The following LRRC37B variants were observed in gnomAD, a reference collection of about 807,000 sequenced individuals.
LRRC37B encodes leucine-rich repeat-containing protein 37B.
A neutral mutation model predicts 98.3 loss-of-function variants in LRRC37B; 28 were observed. The observed-to-expected ratio is 0.28, with a 90% CI of 0.21 to 0.39. The LOEUF is 0.39. Among genes scored for constraint, LRRC37B ranks in the 10% least tolerant of loss-of-function variants. LRRC37B has a pLI of 1.00. For missense variants in LRRC37B, 938 were observed against 1,182.7 expected, an observed-to-expected ratio of 0.79 and a Z score of 3.03; for synonymous variants, 364 against 442.7, an observed-to-expected ratio of 0.82 and a Z score of 2.23.
At chr17:32,020,709 C>T (rs1038250731), upstream of LRRC37B, 16 of 421,744 alleles carry the variant, frequency 3.8e-5, no homozygotes, top group African/African-American at 2.5e-4. Flanking sequence ...CAGTTGCTCT[C>T]CCCTGAAGGA....
intron 1 of LRRC37B, among the ~76,000 whole-genome samples, chr17:32,015,876 C>G (rs1204851399): frequency 6.6e-6 from 1 of 152,158 alleles, no homozygotes; most frequent in Non-Finnish European, 1.5e-5. Context: ...GAGGACCGTA[C>G]AAAGTGTCAG....
intron 3 of LRRC37B, among the ~76,000 whole-genome samples, chr17:32,029,816 T>C (rs1235081217): frequency 6.6e-6 from 1 of 152,166 alleles, no homozygotes; most frequent in Admixed American, 6.5e-5. Flanking sequence ...TGCATCACAG[T>C]CATTGAGAGG....
At chr17:32,050,479 C>T (rs1425887077) in intron 11 of LRRC37B, 27 of 245,468 alleles carry the variant, frequency 1.1e-4, no homozygotes, top group East Asian at 3.1e-4. Flanking sequence ...CATATAATCT[C>T]CACCCTCACG....
chr17:32,007,860 G>A (rs1910445882), upstream of LRRC37B: 1 of 1,141,978 alleles, frequency 8.8e-7, no homozygotes, highest in Non-Finnish European at 1.1e-6. This position sits in a 1 kb window ranked among gnomAD's most constrained non-coding sequence, Gnocchi z 4.1. Context: ...GCCGGCACCA[G>A]CGCACGGGCC....
At chr17:32,038,659 C>T (rs1911319533) in intron 7 of LRRC37B, among the ~76,000 whole-genome samples, 1 of 152,108 alleles carries the variant, frequency 6.6e-6, no homozygotes. Flanking sequence ...GAGTTCGAGA[C>T]CATCCTGGCC....
At chr17:32,028,845 C>G (rs1201199099) in intron 3 of LRRC37B, 5 of 139,454 alleles carry the variant, frequency 3.6e-5, no homozygotes, top group Non-Finnish European at 6.2e-5. Context: ...CAGATTCTTT[C>G]AAATGTGAAA....
At chr17:32,035,051 G>T in intron 6 of LRRC37B, 70 bp downstream of exon 9, 1 of 1,169,954 alleles carries the variant, frequency 8.5e-7, no homozygotes, top group South Asian at 1.4e-5. Flanking sequence ...CAAAGATAAA[G>T]TATTTTGCAT....
exon 1 of LRRC37B, chr17:32,021,440 G>A: frequency 6.2e-7 from 1 of 1,613,932 alleles, no homozygotes; most frequent in Middle Eastern, 1.7e-4. Flanking sequence ...CTCCATTCCT[G>A]AAGGAATTGG....
At chr17:32,018,768 C>T (rs1316761139), upstream of LRRC37B, among the ~76,000 whole-genome samples, 1 of 152,198 alleles carries the variant, frequency 6.6e-6, no homozygotes, top group African/African-American at 2.4e-5. Flanking sequence ...CTCATTATCT[C>T]CCGTATACCT....
At position 32,024,821 on chromosome 17, in the gene LRRC37B, G is replaced by A. The variant is rs1471435105; in HGVS notation, c.1832+39G>A. On this transcript the variant is annotated intron_variant, in intron 2 of 11. Transcript: ENST00000327564. ...CTCCAAATATGACAAAAAACTAACT[G>A]CATTGTAAGATCCTTCTTGGTCCAG... 1.6e-5 allele frequency: 26 copies of A among 1,592,832 alleles called. 2 individuals are homozygous for A. The African/African-American group carries it at 1.9e-4, about 12-fold the overall frequency.
chr17:32,008,094 C>A, exon 1 of LRRC37B: 1 of 423,294 alleles, frequency 2.4e-6, no homozygotes. Flanking sequence ...GACGAGGACG[C>A]CAGTTACTCC....
At chr17:32,039,571 TTCTA>T (rs1458567679) in intron 7 of LRRC37B, among the ~76,000 whole-genome samples, 10 of 126,156 alleles carry the variant, frequency 7.9e-5, no homozygotes, top group Admixed American at 2.7e-4. Context: ...ATATATATAT[TTCTA>T]TATATATTTT....
chr17:32,011,297 G>A (rs1910520380), intron 1 of LRRC37B, among the ~76,000 whole-genome samples: 1 of 150,484 alleles, frequency 6.6e-6, no homozygotes, highest in African/African-American at 2.4e-5. Flanking sequence ...GCCCGGCCCG[G>A]ATTTCACTTT....
upstream of LRRC37B, among the ~76,000 whole-genome samples, chr17:32,020,177 C>T (rs375054856): frequency 3.9e-5 from 6 of 152,132 alleles, no homozygotes; most frequent in Non-Finnish European, 8.8e-5. Flanking sequence ...CTATGCACCC[C>T]GTGCCTGTGC....
At position 32,035,765 on chromosome 17, in the gene LRRC37B, T is replaced by C. The variant is rs555157635; in HGVS notation, c.2204+126T>C. ...ACATTCACCCTTTATAAGTGTATAG[T>C]TTGATGAGTTTTGACAAATGTATAG... On this transcript the variant is annotated intron_variant, in intron 7 of 11. Transcript: ENST00000327564. 51 of 1,018,478 alleles carry C rather than the reference T, an allele frequency of 5.0e-5. No individual in the cohort carries two copies. The African/African-American group carries it at 8.3e-4, about 17-fold the overall frequency. The allele number at this position is 1,018,478 out of a possible 1,614,324, so 63.1% of individuals were successfully genotyped here. A position where few individuals can be genotyped will look rare whatever the true frequency, so the allele number is the denominator to read the frequency against.
At chr17:32,035,773 G>A (rs1911230646) in intron 7 of LRRC37B, 134 bp downstream of exon 10, 3 of 990,294 alleles carry the variant, frequency 3.0e-6, no homozygotes, top group South Asian at 1.7e-5. Context: ...AGTTTGATGA[G>A]TTTTGACAAA....
chr17:32,022,797 G>A (rs367822734), exon 1 of LRRC37B: 175 of 1,613,286 alleles, frequency 1.1e-4, no homozygotes, highest in Non-Finnish European at 1.4e-4. Context: ...GCCAGAGCCC[G>A]ACACCTACAA....
At position 32,049,015 on chromosome 17, in the gene LRRC37B, C is replaced by T; in HGVS notation, c.2465-87C>T. The T allele has an allele frequency of 3.1e-6, 5 of 1,606,226 alleles. No individual in the cohort carries two copies. The South Asian group carries it at 5.5e-5, about 18-fold the overall frequency. ...AACTTAGAACCAACTGTTAAACAAA[C>T]TGAGACAAAATGGGAATACAACAAT... is the stretch of plus-strand genomic sequence containing the variant. On this transcript the variant is annotated intron_variant, in intron 9 of 11. Coordinates refer to ENST00000327564, the Ensembl canonical transcript of LRRC37B.
At chr17:32,013,356 T>A (rs1377742084) in intron 1 of LRRC37B, among the ~76,000 whole-genome samples, 3 of 152,190 alleles carry the variant, frequency 2.0e-5, no homozygotes, top group Non-Finnish European at 4.4e-5. Flanking sequence ...TTCTTTTAAA[T>A]GTAATCTGAC....
Sources: allele counts gnomAD v4.1 joint callset (sites outside exome capture counted in the v4.1 genomes callset), GRCh38; gene constraint gnomAD v4.1.1; non-coding constraint Gnocchi (gnomAD v3.1); transcripts MANE v1.5; gene names NCBI Gene and HGNC (gene_info 2026-07-23, HGNC 2026-07-21).